The following PDGFA variants were observed in gnomAD, a reference collection of about 807,000 sequenced individuals.
The protein encoded by PDGFA is platelet-derived growth factor subunit A.
A neutral mutation model predicts 25.6 loss-of-function variants in PDGFA; 9 were observed. The ratio of observed to expected loss-of-function variants is 0.35; its 90% confidence interval spans 0.21 to 0.61. The LOEUF (loss-of-function observed/expected upper bound fraction) is 0.61. Ranked by LOEUF, PDGFA falls within the 20% of genes least tolerant of loss-of-function variation. PDGFA has a pLI of 0.75. For missense variants in PDGFA, 242 were observed against 272.8 expected, an observed-to-expected ratio of 0.89 and a Z score of 0.79; for synonymous variants, 133 against 111.8, an observed-to-expected ratio of 1.19 and a Z score of -1.20.
In PDGFA at chr7:500,484, G is replaced by A. The variant is rs912036658; in HGVS notation, c.580+632C>T. 6.2e-7 allele frequency: 1 copy of A among 1,613,992 alleles called. No homozygotes were observed. The highest frequency in any genetic ancestry group is 8.5e-7 in the Non-Finnish European group (1 of 1,180,018). On this transcript the variant is annotated intron_variant, in intron 5 of 5. Transcript: ENST00000402802. The surrounding 1 kb of genome is among the most constrained non-coding windows in gnomAD (Gnocchi z 5.0). ...CCTTTTTCTTTTCCGTTTTTTACCTGACTCCCTAGGCCTTCCTGTTAACAA... is the reference window on the plus strand; with the variant it reads ...CCTTTTTCTTTTCCGTTTTTTACCTAACTCCCTAGGCCTTCCTGTTAACAA...
Position 499,824 on chromosome 7 carries a change from A to G in PDGFA, c.581-1250T>C, listed in dbSNP as rs1389555203. Among the ~76,000 whole-genome samples, 6 of 149,824 alleles carry G rather than the reference A, an allele frequency of 4.0e-5. No homozygotes were observed. In the East Asian group the frequency reaches 1.2e-3, roughly 30 times the overall value. On this transcript the variant is annotated intron_variant, in intron 5 of 5. Transcript: ENST00000402802. ...CATGAGGCAACTGCAGATGGATGCCACTAGCCAGACAGAAGGCGGACACTG... is the reference window on the plus strand; with the variant it reads ...CATGAGGCAACTGCAGATGGATGCCGCTAGCCAGACAGAAGGCGGACACTG...
chr7:512,217 G>A (rs970141763), intron 3 of PDGFA, 134 bp downstream of exon 3: 13 of 791,516 alleles, frequency 1.6e-5, no homozygotes, highest in East Asian at 2.7e-5. Context: ...AGGAGGGAAC[G>A]GGTGGCTTGC....
chr7:505,746 C>G (rs369119399), intron 4 of PDGFA, among the ~76,000 whole-genome samples: 1 of 152,336 alleles, frequency 6.6e-6, no homozygotes, highest in African/African-American at 2.4e-5. Flanking sequence ...CATCCCTAGC[C>G]TGCACTCCTT....
exon 4 of PDGFA, chr7:510,854 G>A: frequency 3.1e-6 from 5 of 1,610,152 alleles, no homozygotes; most frequent in Non-Finnish European, 4.2e-6. Context: ...ACTTGACACT[G>A]CTCGTGTTGC....
At position 512,332 on chromosome 7, in the gene PDGFA, C is replaced by G; in HGVS notation, c.265+19G>C. The G allele has an allele frequency of 6.2e-7, 1 of 1,602,392 alleles. No individual in the cohort carries two copies. Among genetic ancestry groups the G allele is most frequent in the Non-Finnish European group, 8.5e-7 (1 of 1,173,416 alleles). ...CCTGACCCGGCCCTGCCCTGCCCAT[C>G]GCGGCCTCCTGGACTCACCGATGCT... On this transcript the variant is annotated intron_variant, in intron 3 of 5. Transcript: ENST00000402802.
At chr7:510,373 C>G (rs958016555) in intron 4 of PDGFA, among the ~76,000 whole-genome samples, 1 of 151,890 alleles carries the variant, frequency 6.6e-6, no homozygotes, top group Non-Finnish European at 1.5e-5. Flanking sequence ...AGGAGGGACC[C>G]TGGCAACCCA....
At chr7:497,955 A>AC (rs1562481642) in exon 6 of PDGFA, 63 of 115,994 alleles carry the variant, frequency 5.4e-4, no homozygotes, top group African/African-American at 1.8e-3. Flanking sequence ...AAAAAAAAAA[A>AC]AAACAAAAAA....
intron 2 of PDGFA, among the ~76,000 whole-genome samples, chr7:515,958 G>A (rs1421423527): frequency 6.6e-6 from 1 of 150,994 alleles, no homozygotes; most frequent in Non-Finnish European, 1.5e-5. Context: ...CCAGTCCCAC[G>A]AGGAGGCCCA....
chr7:507,674 C>T (rs561088447), intron 4 of PDGFA, among the ~76,000 whole-genome samples: 1 of 152,330 alleles, frequency 6.6e-6, no homozygotes, highest in Non-Finnish European at 1.5e-5. Flanking sequence ...GAGAACAAGA[C>T]CACAGGCATC....
At chr7:518,588 C>A (rs1689593367) in intron 1 of PDGFA, 3 of 264,468 alleles carry the variant, frequency 1.1e-5, no homozygotes, top group South Asian at 1.5e-4. Flanking sequence ...CCCCAGGCTC[C>A]GCCGGCTCAC....
chr7:519,032 G>C, exon 1 of PDGFA: 2 of 1,507,642 alleles, frequency 1.3e-6, no homozygotes, highest in Non-Finnish European at 1.8e-6. Flanking sequence ...GCTCGGAGGA[G>C]AGGCGAGGCC....
chr7:516,553 C>T (rs1311565075), intron 2 of PDGFA, among the ~76,000 whole-genome samples: 2 of 152,214 alleles, frequency 1.3e-5, no homozygotes, highest in Admixed American at 6.5e-5. Flanking sequence ...GCCGAGTGCT[C>T]ATTTTGAAAA....
chr7:498,113 C>T (rs958379217), exon 6 of PDGFA: 24 of 169,348 alleles, frequency 1.4e-4, no homozygotes, highest in Non-Finnish European at 1.8e-4. Context: ...CGGGCCCCTG[C>T]AGAGCCCACC....
chr7:503,361 C>T lies in PDGFA; in HGVS notation c.454-2119G>A, dbSNP rs532741782. ...TATGGATCACCCACTTCACCCCTCA[C>T]GGTTCATGGGGAAACTGAGGCTAGA... On this transcript the variant is annotated intron_variant, in intron 4 of 5. Transcript: ENST00000402802. Among the ~76,000 whole-genome samples, 153 of 152,288 alleles carry T rather than the reference C, an allele frequency of 1.0e-3. 1 individual carries two copies. In the South Asian group the frequency reaches 0.012, roughly 12 times the overall value.
intron 2 of PDGFA, 130 bp from the exon 3 acceptor site, chr7:512,585 C>T: frequency 6.5e-7 from 1 of 1,548,070 alleles, no homozygotes; most frequent in South Asian, 1.2e-5. Flanking sequence ...CACAGCCCCT[C>T]ACAGCTCCCG....
chr7:500,672 G>T lies in PDGFA; in HGVS notation c.580+444C>A. On this transcript the variant is annotated intron_variant, in intron 5 of 5. Transcript: ENST00000402802. The surrounding 1 kb of genome is among the most constrained non-coding windows in gnomAD (Gnocchi z 5.0). ...GCTCCCAGGGCCCAGCCATAGCAGG[G>T]CACAGAAGCCATTCTGCTCCTGGGT... is the stretch of plus-strand genomic sequence containing the variant. The T allele has an allele frequency of 6.9e-7, 1 of 1,453,896 alleles. No homozygotes were observed. Among genetic ancestry groups the T allele is most frequent in the Non-Finnish European group, 9.0e-7 (1 of 1,109,914 alleles). The allele number at this position is 1,453,896 out of a possible 1,614,324, so 90.1% of individuals were successfully genotyped here.
chr7:507,401 A>G (rs1782607548), intron 4 of PDGFA, among the ~76,000 whole-genome samples: 1 of 152,014 alleles, frequency 6.6e-6, no homozygotes, highest in Non-Finnish European at 1.5e-5. Flanking sequence ...AGCAGGGGCC[A>G]CTCCCAGCGG....
chr7:510,665 G>T, intron 4 of PDGFA, 144 bp downstream of exon 4: 1 of 480,046 alleles, frequency 2.1e-6, no homozygotes, highest in Admixed American at 3.7e-5. Flanking sequence ...GGATGCAGGA[G>T]GGACCCTGGC....
chr7:520,170 G>T, upstream of PDGFA: 1 of 263,854 alleles, frequency 3.8e-6, no homozygotes, highest in Non-Finnish European at 7.6e-6. Flanking sequence ...GGAGGCCGCC[G>T]CAGAAGCGCC....
Sources: allele counts gnomAD v4.1 joint callset (sites outside exome capture counted in the v4.1 genomes callset), GRCh38; gene constraint gnomAD v4.1.1; non-coding constraint Gnocchi (gnomAD v3.1); transcripts MANE v1.5; gene names NCBI Gene and HGNC (gene_info 2026-07-23, HGNC 2026-07-21).